ULK4: variants seen among roughly 807,000 people sequenced by gnomAD.
ULK4 encodes inactive serine/threonine-protein kinase ULK4.
A neutral mutation model predicts 160.6 loss-of-function variants in ULK4; 133 were observed. The observed-to-expected ratio is 0.83, with a 90% CI of 0.72 to 0.96. The LOEUF is 0.96. Among genes scored for constraint, ULK4 ranks in the 40% least tolerant of loss-of-function variants. The pLI is 0.00. For synonymous variants in ULK4, 534 were observed against 539.8 expected (o/e 0.99, Z 0.15); for missense variants, 1,580 against 1,499.5 (o/e 1.05, Z -0.89).
At chr3:41,595,307 G>T (rs937362628) in intron 31 of ULK4, among the ~76,000 whole-genome samples, 1 of 152,112 alleles carries the variant, frequency 6.6e-6, no homozygotes, top group Admixed American at 6.5e-5. Context: ...TGATCCTGCC[G>T]CGGTCAACTT....
At chr3:41,511,162 CAAAAAAAAAAAAA>C (rs57133226) in intron 32 of ULK4, among the ~76,000 whole-genome samples, 1 of 97,598 alleles carries the variant, frequency 1.0e-5, no homozygotes, top group African/African-American at 3.7e-5. Context: ...GACTCCGTCT[CAAAAAAAAAAAAA>C]AAAAAAAAAG....
At chr3:41,839,848 A>G (rs978357860) in intron 17 of ULK4, among the ~76,000 whole-genome samples, 12 of 152,210 alleles carry the variant, frequency 7.9e-5, no homozygotes, top group African/African-American at 2.7e-4. Context: ...CAAAAAAACA[A>G]TACTCAGGTA....
chr3:41,881,271 T>C (rs1697505460), intron 17 of ULK4, among the ~76,000 whole-genome samples: 1 of 120,386 alleles, frequency 8.3e-6, no homozygotes, highest in East Asian at 2.4e-4. Flanking sequence ...ACACATCCTG[T>C]AGCAGAAACT....
At chr3:41,602,315 GGAA>G in intron 31 of ULK4, among the ~76,000 whole-genome samples, 1 of 128,726 alleles carries the variant, frequency 7.8e-6, no homozygotes, top group Non-Finnish European at 1.6e-5. Context: ...GGAAAGGAAA[GGAA>G]AGGAGGAAGG....
intron 22 of ULK4, among the ~76,000 whole-genome samples, chr3:41,737,805 T>C (rs1338323948): frequency 6.6e-6 from 1 of 151,946 alleles, no homozygotes; most frequent in East Asian, 1.9e-4. Flanking sequence ...GATGGCCGGA[T>C]GATAAATAAG....
chr3:41,267,916 T>C (rs1282454175), intron 35 of ULK4, among the ~76,000 whole-genome samples: 1 of 152,176 alleles, frequency 6.6e-6, no homozygotes, highest in East Asian at 1.9e-4. Flanking sequence ...GTCTACCAGA[T>C]TGAGAGAGCC....
chr3:41,801,426 T>C (rs949369816), intron 19 of ULK4, among the ~76,000 whole-genome samples: 1 of 151,990 alleles, frequency 6.6e-6, no homozygotes, highest in Non-Finnish European at 1.5e-5. Context: ...CTGAGAAGTT[T>C]TCAAATTCAT....
At chr3:41,484,483 C>T (rs550058918) in intron 32 of ULK4, among the ~76,000 whole-genome samples, 9 of 70,124 alleles carry the variant, frequency 1.3e-4, no homozygotes, top group East Asian at 5.1e-4. Context: ...GATGGAGTCT[C>T]GCTCTGTCAC....
chr3:41,911,497 AAAC>A (rs1381399851), intron 10 of ULK4, 41 bp downstream of exon 10: 2 of 1,593,820 alleles, frequency 1.3e-6, no homozygotes, highest in Admixed American at 1.7e-5. Context: ...GAACTCTCTC[AAAC>A]AACATTCTAA....
At chr3:41,389,291 T>C (rs1171382159) in intron 35 of ULK4, among the ~76,000 whole-genome samples, 3 of 152,218 alleles carry the variant, frequency 2.0e-5, no homozygotes, top group African/African-American at 7.2e-5. Flanking sequence ...TGAGGTTTTC[T>C]AGATATACAA....
In ULK4 at chr3:41,566,102, G is replaced by T; in HGVS notation, c.3149C>A (p.Thr1050Asn). 1 of 1,612,958 alleles carries T rather than the reference G, an allele frequency of 6.2e-7. No individual in the cohort carries two copies. The highest frequency in any genetic ancestry group is 8.5e-7 in the Non-Finnish European group (1 of 1,179,680). Reference protein sequence around the residue: ...LEHQESILGNTMQSVIALLSN... With the variant: ...LEHQESILGNNMQSVIALLSN... ...GAGTAATGCAATCACACTTTGCATG[G>T]TATTACCCAGAATGCTCTCCTGATG... The change falls in exon 32 of 37, where the codon ACC becomes AAC. Residue 1050 changes from threonine (T) to asparagine (N), a missense_variant. Coordinates refer to ENST00000301831, the MANE Select transcript of ULK4 (RefSeq NM_017886.4).
chr3:41,352,752 C>T, intron 35 of ULK4, among the ~76,000 whole-genome samples: 1 of 152,162 alleles, frequency 6.6e-6, no homozygotes, highest in East Asian at 1.9e-4. Flanking sequence ...TTCCCAGCCT[C>T]ATCTCTGCAG....
chr3:41,949,789 T>G (rs1486677797), intron 2 of ULK4, among the ~76,000 whole-genome samples: 1 of 148,886 alleles, frequency 6.7e-6, no homozygotes, highest in African/African-American at 2.5e-5. Context: ...CAGGCGGGAG[T>G]GCAGTGGCAT....
At chr3:41,608,159 CACCCGGTAGA>C (rs1275346173) in intron 31 of ULK4, among the ~76,000 whole-genome samples, 1 of 152,158 alleles carries the variant, frequency 6.6e-6, no homozygotes, top group Non-Finnish European at 1.5e-5. Flanking sequence ...AATGCAATTT[CACCCGGTAGA>C]ACTATTTTAC....
In ULK4 at chr3:41,822,166, C is replaced by T. The variant is rs185555216; in HGVS notation, c.1765-2660G>A. Among the ~76,000 whole-genome samples the T allele has an allele frequency of 3.4e-3, 510 of 152,222 alleles. 2 individuals carry two copies. Among genetic ancestry groups the T allele is most frequent in the Admixed American group, 6.7e-3 (102 of 15,294 alleles). On this transcript the variant is annotated intron_variant, in intron 18 of 36. Transcript: ENST00000301831. ...GCTCTTCGGATCAAGACCAAGACAT[C>T]GGACTGGTGAGGAGCCCTTCATGAT...
chr3:41,907,931 T>C lies in ULK4; in HGVS notation c.1096A>G (p.Thr366Ala), dbSNP rs188122339. 6 of 1,603,860 alleles carry C rather than the reference T, an allele frequency of 3.7e-6. No homozygotes were observed. The highest frequency in any genetic ancestry group is 5.1e-6 in the Non-Finnish European group (6 of 1,175,742). ...TCCACTGCAGTGCTAGTTCTGGGAG[T>C]AGGACGAGAACTGAAAAATACAAAC... is the stretch of plus-strand genomic sequence containing the variant. ...ESMFLLSSRP[T>A]PRTSTAVEVS... is the part of the protein sequence containing the mutation. The change falls in exon 12 of 37, where the codon ACT becomes GCT. Residue 366 changes from threonine (T) to alanine (A), a missense_variant. Transcript: ENST00000301831.
intron 18 of ULK4, among the ~76,000 whole-genome samples, chr3:41,830,255 C>G (rs2041529982): frequency 6.6e-6 from 1 of 151,872 alleles, no homozygotes; most frequent in Non-Finnish European, 1.5e-5. Flanking sequence ...ATGTAACAAA[C>G]CTGCATGTTA....
At chr3:41,491,349 G>A (rs2084755764) in intron 32 of ULK4, among the ~76,000 whole-genome samples, 1 of 151,968 alleles carries the variant, frequency 6.6e-6, no homozygotes, top group Non-Finnish European at 1.5e-5. Context: ...TAAGAAAACT[G>A]CCAAAGAAGG....
chr3:41,366,776 C>T (rs981940562), intron 35 of ULK4, among the ~76,000 whole-genome samples: 3 of 152,164 alleles, frequency 2.0e-5, no homozygotes, highest in African/African-American at 4.8e-5. Flanking sequence ...ACAGTTGAGT[C>T]TTCTGTCCCT....
Sources: gnomAD v4.1 joint callset for allele counts (sites outside exome capture counted in the v4.1 genomes callset) on GRCh38, gnomAD v4.1.1 for gene constraint, MANE v1.5 for transcripts, NCBI Gene and HGNC (gene_info 2026-07-23, HGNC 2026-07-21) for gene names.